ABCA4: variants seen among roughly 807,000 people sequenced by gnomAD.
ABCA4 encodes the protein ATP binding cassette subfamily A member 4.
ABCA4 carries 196 observed loss-of-function variants against 263.7 expected under a neutral mutation model. The observed-to-expected ratio is 0.74, with a 90% CI of 0.66 to 0.84. The LOEUF is 0.84. Among genes scored for constraint, ABCA4 ranks in the 40% least tolerant of loss-of-function variants. ABCA4 has a pLI of 0.00. For missense variants in ABCA4, 2,792 were observed against 2,855.1 expected (o/e 0.98, Z 0.50); for synonymous variants, 1,133 against 1,094.2 (o/e 1.04, Z -0.70).
rs1397969767 is a variant in ABCA4, at chr1:94,037,287, C to T, written c.3671G>A (p.Cys1224Tyr). 1.2e-6 allele frequency: 2 copies of T among 1,614,126 alleles called. No individual in the cohort carries two copies. Among genetic ancestry groups the T allele is most frequent in the African/African-American group, 1.3e-5 (1 of 74,944 alleles). Residue 1224 changes from cysteine (C) to tyrosine (Y), a missense_variant, in exon 25 of 50, where the codon TGC (cysteine) becomes TAC (tyrosine). Cys to Tyr is a radical substitution (Grantham distance 194, BLOSUM62 -2). Coordinates refer to ENST00000370225, the MANE Select transcript of ABCA4 (RefSeq NM_000350.3). ...AAGGAAGATAAGTTCTTGACCAATG[C>T]ACTCCACCAGCTTTGCCTCTGGAAC... ...HHVPEAKLVE[C>Y]IGQELIFLLP...
chr1:94,079,719 G>A (rs978600727), intron 8 of ABCA4, among the ~76,000 whole-genome samples: 1 of 152,176 alleles, frequency 6.6e-6, no homozygotes. Flanking sequence ...TTTAGGAGAA[G>A]GAGGCTGAGA....
rs3842498 is a variant in ABCA4 at position 94,101,317 on chromosome 1, GT to G, written c.570+1697del. Reference sequence around the variant, plus strand: ...AAGCAAAGGGGAAAATGAGCAATCGGTGCCGACAGCACCCCCTCTGTGGGGG... The same window carrying G: ...AAGCAAAGGGGAAAATGAGCAATCGGGCCGACAGCACCCCCTCTGTGGGGG... On this transcript the variant is annotated intron_variant, in intron 5 of 49. Transcript: ENST00000370225. Among the ~76,000 whole-genome samples the G allele has an allele frequency of 0.052, 7,869 of 152,260 alleles. 208 individuals are homozygous for G. Among genetic ancestry groups the G allele is most frequent in the East Asian group, 0.077 (398 of 5,152 alleles).
At chr1:94,072,502 A>G (rs138532463) in intron 11 of ABCA4, among the ~76,000 whole-genome samples, 2 of 152,304 alleles carry the variant, frequency 1.3e-5, no homozygotes, top group East Asian at 3.9e-4. Flanking sequence ...AAAAAATCCA[A>G]AGGGGAGGGG....
At chr1:94,020,388 T>C (rs891119638) in intron 35 of ABCA4, among the ~76,000 whole-genome samples, 3 of 152,234 alleles carry the variant, frequency 2.0e-5, no homozygotes, top group African/African-American at 7.2e-5. Flanking sequence ...AGTGTCCACC[T>C]GCAGAAAAGA....
In ABCA4 at chr1:94,040,134, C is replaced by T; in HGVS notation, c.3523-7G>A. 6.2e-7 allele frequency: 1 copy of T among 1,602,314 alleles called. No homozygotes were observed. Among genetic ancestry groups the T allele is most frequent in the Non-Finnish European group, 8.5e-7 (1 of 1,173,084 alleles). ...ACGAGCAGCTGCAGGTCCCCTGCAA[C>T]AGATGGATGGGATGACTGACAAGAT... On this transcript the variant is annotated splice_polypyrimidine_tract_variant and splice_region_variant and intron_variant, in intron 23 of 49. Coordinates refer to ENST00000370225, the MANE Select transcript of ABCA4 (RefSeq NM_000350.3).
In ABCA4 at chr1:94,051,639, C is replaced by T. The variant is rs750311446; in HGVS notation, c.2647G>A (p.Gly883Ser). 25 of 1,613,594 alleles carry T rather than the reference C, an allele frequency of 1.5e-5. No individual in the cohort carries two copies. The highest frequency in any genetic ancestry group is 1.6e-4 in the Middle Eastern group (1 of 6,080). ...FLLQESYWLG[G>S]EGCSTREERA... is the part of the protein sequence containing the mutation. The stretch of plus-strand genomic sequence containing the variant: ...TGTGTTTTAAAGGACTCACCTTCAC[C>T]GCCAAGCCAATACGACTCTTGTAGA... Residue 883 changes from glycine to serine, a missense_variant, in exon 17 of 50, where the codon GGT becomes AGT. Gly to Ser is a moderately conservative substitution (Grantham distance 56). Coordinates refer to ENST00000370225, the MANE Select transcript of ABCA4 (RefSeq NM_000350.3).
chr1:94,040,266 T>A (rs2101047295), intron 23 of ABCA4, 139 bp from the exon 24 acceptor site: 2 of 724,748 alleles, frequency 2.8e-6, no homozygotes, highest in African/African-American at 1.7e-5. Context: ...TCTTCACTGT[T>A]TAATCTGTTA....
chr1:94,105,534 A>C (rs1051887795), intron 4 of ABCA4, among the ~76,000 whole-genome samples: 2 of 151,992 alleles, frequency 1.3e-5, no homozygotes, highest in Non-Finnish European at 2.9e-5. Context: ...AGAAATGTGA[A>C]CTGGGAGCCT....
intron 31 of ABCA4, among the ~76,000 whole-genome samples, chr1:94,023,724 C>T (rs150418888): frequency 1.2e-3 from 182 of 152,312 alleles, no homozygotes; most frequent in African/African-American, 4.1e-3. Flanking sequence ...CCAGAACACA[C>T]GGCAATGACC....
At chr1:94,045,770 G>C (rs746765719) in intron 19 of ABCA4, 6 of 456,276 alleles carry the variant, frequency 1.3e-5, no homozygotes, top group South Asian at 4.6e-5. Context: ...CCGCCCTAGA[G>C]AACATTCCAT....
rs751673810 is a variant in ABCA4 at position 94,014,704 on chromosome 1, G to C, written c.5313-14C>G. ...ATGACCGCCCATCTGTGTGAAATGA[G>C]ACAACTCAGAGTGATGGAGTTCCAC... On this transcript the variant is annotated splice_polypyrimidine_tract_variant and intron_variant, in intron 37 of 49. Transcript: ENST00000370225. 5 of 1,614,016 alleles carry C rather than the reference G, an allele frequency of 3.1e-6. No individual in the cohort carries two copies. Among genetic ancestry groups the C allele is most frequent in the East Asian group, 4.5e-5 (2 of 44,886 alleles).
chr1:94,042,456 T>C (rs184070946), intron 22 of ABCA4, among the ~76,000 whole-genome samples: 2 of 152,268 alleles, frequency 1.3e-5, no homozygotes, highest in South Asian at 2.1e-4. Context: ...TGGGTCCCCA[T>C]GGTCAGAGAA....
intron 11 of ABCA4, among the ~76,000 whole-genome samples, chr1:94,063,862 A>G (rs565952603): frequency 1.3e-5 from 2 of 152,306 alleles, no homozygotes; most frequent in East Asian, 3.9e-4. Context: ...ATCACTTCCA[A>G]TTACAATTCT....
In ABCA4 at chr1:94,029,766, G is replaced by T. The variant is rs147380117; in HGVS notation, c.4353-135C>A. ...CTTTCTTCTTATTCTCTTGGAGGCT[G>T]GTTTCTGCTCAAGCAATATCAAAAC... On this transcript the variant is annotated intron_variant, in intron 29 of 49. Transcript: ENST00000370225. The T allele has an allele frequency of 7.9e-6, 7 of 889,572 alleles. No homozygotes were observed. The African/African-American group carries it at 1.2e-4, about 15-fold the overall frequency. The allele number at this position is 889,572 out of a possible 1,614,324, so 55.1% of individuals were successfully genotyped here. A position where few individuals can be genotyped will look rare whatever the true frequency, so the allele number is the denominator to read the frequency against.
chr1:94,119,162 T>C (rs972389193), intron 1 of ABCA4, among the ~76,000 whole-genome samples: 1 of 152,040 alleles, frequency 6.6e-6, no homozygotes, highest in African/African-American at 2.4e-5. Flanking sequence ...ATGAAAAAAT[T>C]TAATCATGAG....
At chr1:94,054,150 C>T (rs1660911472) in intron 16 of ABCA4, among the ~76,000 whole-genome samples, 1 of 152,186 alleles carries the variant, frequency 6.6e-6, no homozygotes, top group Non-Finnish European at 1.5e-5. Context: ...GTGCAAACAG[C>T]CAATTTTCAG....
At chr1:94,060,900 A>G (rs1464202955) in intron 13 of ABCA4, 141 bp from the exon 14 acceptor site, 1 of 739,746 alleles carries the variant, frequency 1.4e-6, no homozygotes, top group Non-Finnish European at 2.4e-6. Context: ...TGGACATTTA[A>G]TGGGCTGGAA....
At chr1:94,015,352 G>A (rs940211816) in intron 37 of ABCA4, among the ~76,000 whole-genome samples, 21 of 152,128 alleles carry the variant, frequency 1.4e-4, no homozygotes, top group Non-Finnish European at 1.6e-4. Flanking sequence ...TACTGTGGGC[G>A]GTAACTCTTG....
intron 2 of ABCA4, 74 bp from the exon 3 acceptor site, chr1:94,111,653 C>CT: frequency 4.4e-6 from 7 of 1,584,712 alleles, no homozygotes; most frequent in Non-Finnish European, 5.2e-6. Context: ...AGGAGTTGGC[C>CT]TTTTTGGGAA....
Sources: gnomAD v4.1 joint callset for allele counts (sites outside exome capture counted in the v4.1 genomes callset) on GRCh38, gnomAD v4.1.1 for gene constraint, MANE v1.5 for transcripts, NCBI Gene and HGNC (gene_info 2026-07-23, HGNC 2026-07-21) for gene names.